The following FAM193A variants were observed in gnomAD, a reference collection of about 807,000 sequenced individuals.
FAM193A encodes family with sequence similarity 193 member A, also known as protein FAM193A.
Under a neutral mutation model 126.5 loss-of-function variants are expected in FAM193A, and 22 were observed. That is an observed-to-expected ratio of 0.17 (90% CI 0.12 to 0.25). The LOEUF (loss-of-function observed/expected upper bound fraction) is 0.25, where lower values mean the gene tolerates loss of function less well. Among genes scored for constraint, FAM193A ranks in the 10% least tolerant of loss-of-function variants. FAM193A has a pLI of 1.00. For synonymous variants in FAM193A, 761 were observed against 646.8 expected (o/e 1.18, Z -2.68); for missense variants, 1,675 against 1,672.8 (o/e 1.00, Z -0.02).
In FAM193A at chr4:2,559,886, C is replaced by T. The variant is rs968799440; in HGVS notation, c.255+22716C>T. Reference sequence around the variant, plus strand: ...GTGATCCTGACCTGCTTGTGTAGTGCGGCCTGCGTGGCCTGATCGGGCCGG... The same window carrying T: ...GTGATCCTGACCTGCTTGTGTAGTGTGGCCTGCGTGGCCTGATCGGGCCGG... On this transcript the variant is annotated intron_variant, in intron 1 of 20. Transcript: ENST00000637812. 5.9e-5 allele frequency among the ~76,000 whole-genome samples: 9 copies of T among 152,248 alleles called. No homozygotes were observed. In the East Asian group the frequency reaches 1.2e-3, roughly 20 times the overall value.
At chr4:2,553,732 T>C (rs1342188349) in intron 1 of FAM193A, among the ~76,000 whole-genome samples, 1 of 152,186 alleles carries the variant, frequency 6.6e-6, no homozygotes, top group African/African-American at 2.4e-5. Flanking sequence ...AAATCTTGTC[T>C]TGAATTGTGG....
Position 2,659,649 on chromosome 4 carries a change from C to T in FAM193A, c.1481C>T (p.Pro494Leu). The change falls in exon 9 of 21, where the codon CCC becomes CTC. Residue 494 changes from proline (P) to leucine (L), a missense_variant. By Grantham distance (98) the Pro-to-Leu change is moderately conservative. Coordinates refer to ENST00000637812, the MANE Select transcript of FAM193A (RefSeq NM_001366318.2). Reference sequence around the variant, plus strand: ...TCCCGGCTGAGCATGCCCGACTGCCCCAACTGCAACTACAGGAGAAGGTAA... The same window carrying T: ...TCCCGGCTGAGCATGCCCGACTGCCTCAACTGCAACTACAGGAGAAGGTAA... The part of the protein sequence containing the change: ...LSSRLSMPDC[P>L]NCNYRRRCAC... 3 of 1,614,054 alleles carry T rather than the reference C, an allele frequency of 1.9e-6. No homozygotes were observed. The highest frequency in any genetic ancestry group is 2.5e-6 in the Non-Finnish European group (3 of 1,179,946).
At chr4:2,586,279 G>C (rs1740234632) in intron 1 of FAM193A, among the ~76,000 whole-genome samples, 1 of 151,894 alleles carries the variant, frequency 6.6e-6, no homozygotes, top group African/African-American at 2.4e-5. Context: ...AGTTGAATCT[G>C]TTGATCTTTT....
chr4:2,720,001 C>T, intron 20 of FAM193A: 1 of 241,158 alleles, frequency 4.1e-6, no homozygotes, highest in Non-Finnish European at 8.8e-6. Flanking sequence ...CGCCACATTG[C>T]CCAGGCTGGT....
Position 2,688,103 on chromosome 4 carries a change from A to G in FAM193A, c.2332-1403A>G, listed in dbSNP as rs565055346. On this transcript the variant is annotated intron_variant, in intron 13 of 20. Coordinates refer to ENST00000637812, the MANE Select transcript of FAM193A (RefSeq NM_001366318.2). ...CCATAACTGGGCACTTCTCCTCTCCAGCAGACAGAAGTCCTGCTGAGGGAG... is the reference window on the plus strand; with the variant it reads ...CCATAACTGGGCACTTCTCCTCTCCGGCAGACAGAAGTCCTGCTGAGGGAG... Among the ~76,000 whole-genome samples, 5 of 152,312 alleles carry G rather than the reference A, an allele frequency of 3.3e-5. No individual in the cohort carries two copies. The South Asian group carries it at 1.0e-3, about 32-fold the overall frequency.
chr4:2,700,003 A>G lies in FAM193A; in HGVS notation c.3831A>G (p.Pro1277=), dbSNP rs752279588. ...TEEPETSSHS[P]SRHMNHSEPR... Reference sequence around the variant, plus strand: ...AACCAGAAACCTCTTCTCACTCCCCATCCAGGCATATGAACCACTCAGAGC... The same window carrying G: ...AACCAGAAACCTCTTCTCACTCCCCGTCCAGGCATATGAACCACTCAGAGC... Residue 1277 remains proline, a synonymous_variant, in exon 19 of 21, where the codon CCA becomes CCG. Transcript: ENST00000637812. 1.2e-6 allele frequency: 2 copies of G among 1,613,766 alleles called. No homozygotes were observed. The highest frequency in any genetic ancestry group is 1.3e-5 in the African/African-American group (1 of 74,914).
chr4:2,660,140 G>A, intron 10 of FAM193A, 86 bp downstream of exon 10: 1 of 1,391,768 alleles, frequency 7.2e-7, no homozygotes, highest in Non-Finnish European at 9.9e-7. Flanking sequence ...ACAGAAGTAT[G>A]AACATCATTA....
chr4:2,598,955 G>A (rs1297962341), intron 2 of FAM193A, among the ~76,000 whole-genome samples: 4 of 152,194 alleles, frequency 2.6e-5, no homozygotes, highest in South Asian at 4.1e-4. Context: ...ACCTCTGCCC[G>A]GTGGCAGCCA....
intron 2 of FAM193A, among the ~76,000 whole-genome samples, chr4:2,607,685 T>C (rs1486824282): frequency 6.6e-6 from 1 of 152,240 alleles, no homozygotes; most frequent in Non-Finnish European, 1.5e-5. Context: ...ATCAATGATA[T>C]GTTCAGGTTG....
rs35045989 is a variant in FAM193A, at chr4:2,710,851, CTTTTTTT to C, written c.4373-5160_4373-5154del. Reference sequence around the variant, plus strand: ...CGTCTTTATTTTCTTTCTGTGCTTTCTTTTTTTTTTTTTTTTTTGAGACAGAGTCTCG... The same window carrying C: ...CGTCTTTATTTTCTTTCTGTGCTTTCTTTTTTTTTTTGAGACAGAGTCTCG... On this transcript the variant is annotated intron_variant, in intron 19 of 20. Transcript: ENST00000637812. 2.3e-3 allele frequency among the ~76,000 whole-genome samples: 262 copies of C among 116,300 alleles called. 2 individuals carry two copies. Among genetic ancestry groups the C allele is most frequent in the East Asian group, 5.0e-3 (20 of 3,976 alleles). The allele number at this position is 116,300 out of a possible 152,430, so 76.3% of individuals were successfully genotyped here. A position where few individuals can be genotyped will look rare whatever the true frequency, so the allele number is the denominator to read the frequency against.
intron 13 of FAM193A, among the ~76,000 whole-genome samples, chr4:2,680,016 A>G (rs949533200): frequency 6.6e-6 from 1 of 151,966 alleles, no homozygotes; most frequent in Non-Finnish European, 1.5e-5. Context: ...ACATGCCACC[A>G]CACCCAGCTA....
At chr4:2,674,834 A>G (rs972855515) in intron 13 of FAM193A, among the ~76,000 whole-genome samples, 4 of 83,940 alleles carry the variant, frequency 4.8e-5, no homozygotes, top group African/African-American at 1.3e-4. Flanking sequence ...TGTCTCTACC[A>G]AAAAAAAAAA....
chr4:2,570,982 C>G (rs886508521), intron 1 of FAM193A, among the ~76,000 whole-genome samples: 1 of 152,148 alleles, frequency 6.6e-6, no homozygotes, highest in African/African-American at 2.4e-5. Context: ...TTCACACACT[C>G]AGTTTCGCTT....
At position 2,664,713 on chromosome 4, in the gene FAM193A, G is replaced by A. The variant is rs375976792; in HGVS notation, c.2079+1425G>A. On this transcript the variant is annotated intron_variant, in intron 12 of 20. Transcript: ENST00000637812. ...CAAGTATCTGGGACTACAGGTGCAC[G>A]CCACCACGCCCGGCTAATTTTTTGT... Among the ~76,000 whole-genome samples, 24 of 151,780 alleles carry A rather than the reference G, an allele frequency of 1.6e-4. No homozygotes were observed. In the East Asian group the frequency reaches 2.3e-3, roughly 15 times the overall value.
intron 6 of FAM193A, among the ~76,000 whole-genome samples, chr4:2,641,071 T>TG (rs1293425813): frequency 1.3e-5 from 2 of 151,798 alleles, no homozygotes; most frequent in Non-Finnish European, 2.9e-5. Context: ...GACAGTGTCT[T>TG]GCTCTGTCAC....
intron 2 of FAM193A, among the ~76,000 whole-genome samples, chr4:2,622,586 A>G (rs1282490481): frequency 6.6e-6 from 1 of 152,174 alleles, no homozygotes; most frequent in African/African-American, 2.4e-5. Context: ...CTGCAACAAA[A>G]TGCCATGGGC....
At chr4:2,687,512 G>A (rs1022546580) in intron 13 of FAM193A, among the ~76,000 whole-genome samples, 3 of 152,198 alleles carry the variant, frequency 2.0e-5, no homozygotes, top group Non-Finnish European at 1.5e-5. Context: ...AGGCCAAGAC[G>A]TGGGACTAGA....
At chr4:2,705,704 C>T (rs1417880037) in intron 19 of FAM193A, among the ~76,000 whole-genome samples, 2 of 151,928 alleles carry the variant, frequency 1.3e-5, no homozygotes, top group African/African-American at 4.8e-5. Flanking sequence ...ATTCTCCCGC[C>T]TCAGCCTCCT....
chr4:2,684,024 C>T lies in FAM193A; in HGVS notation c.2332-5482C>T, dbSNP rs112975957. ...TTATTGCCAGCATTTCTTCCCATCTCTCTGCTCACACGGCCCCCTTGTTCT... is the reference window on the plus strand; with the variant it reads ...TTATTGCCAGCATTTCTTCCCATCTTTCTGCTCACACGGCCCCCTTGTTCT... On this transcript the variant is annotated intron_variant, in intron 13 of 20. Coordinates refer to ENST00000637812, the MANE Select transcript of FAM193A (RefSeq NM_001366318.2). Among the ~76,000 whole-genome samples, 655 of 152,328 alleles carry T rather than the reference C, an allele frequency of 4.3e-3. 6 individuals are homozygous for T. Among genetic ancestry groups the T allele is most frequent in the African/African-American group, 0.013 (547 of 41,572 alleles).
Sources: gnomAD v4.1 joint callset for allele counts (sites outside exome capture counted in the v4.1 genomes callset) on GRCh38, gnomAD v4.1.1 for gene constraint, MANE v1.5 for transcripts, NCBI Gene and HGNC (gene_info 2026-07-23, HGNC 2026-07-21) for gene names.